The following SPTBN1 variants were observed in gnomAD, a reference collection of about 807,000 sequenced individuals.
The protein encoded by SPTBN1 is spectrin beta, non-erythrocytic 1.
In SPTBN1, 32 loss-of-function variants were observed where a neutral mutation model predicts 266.4. The ratio of observed to expected loss-of-function variants is 0.12; its 90% CI spans 0.09 to 0.16. SPTBN1 has a LOEUF of 0.16. SPTBN1 is among the 10% of genes least tolerant of loss of function. SPTBN1 has a pLI of 1.00. For synonymous variants in SPTBN1, 1,336 were observed against 1,162.2 expected (o/e 1.15, Z -3.04); for missense variants, 2,296 against 3,067.1 (o/e 0.75, Z 5.94).
intron 17 of SPTBN1, among the ~76,000 whole-genome samples, chr2:54,634,481 T>C (rs1482354211): frequency 1.3e-5 from 2 of 152,160 alleles, no homozygotes; most frequent in Non-Finnish European, 2.9e-5. Context: ...GGAGGGAGCT[T>C]TCCGATGACC....
chr2:54,621,422 T>C lies in SPTBN1; in HGVS notation c.786T>C (p.Asp262=). 1 of 1,614,062 alleles carries C rather than the reference T, an allele frequency of 6.2e-7. No homozygotes were observed. Among genetic ancestry groups the C allele is most frequent in the Non-Finnish European group, 8.5e-7 (1 of 1,179,904 alleles). The part of the protein sequence containing the change: ...DPEDISVDHP[D]EKSIITYVVT... ...CAGACATCAGCGTGGACCATCCTGA[T>C]GAGAAGTCCATAATCACTTATGTGG... The change falls in exon 8 of 36, where the codon GAT becomes GAC. Residue 262 remains aspartate (D), a synonymous_variant. Transcript: ENST00000356805.
intron 2 of SPTBN1, among the ~76,000 whole-genome samples, chr2:54,544,997 A>G (rs1022144042): frequency 5.9e-5 from 9 of 151,930 alleles, no homozygotes; most frequent in African/African-American, 1.9e-4. Flanking sequence ...TCATTGTTCA[A>G]CTCCCACCTA....
intron 1 of SPTBN1, among the ~76,000 whole-genome samples, chr2:54,473,006 G>A (rs557842631): frequency 1.3e-5 from 2 of 152,278 alleles, no homozygotes; most frequent in South Asian, 2.1e-4. Context: ...TCCTTTAGAC[G>A]TTTAGATTGA....
chr2:54,659,383 T>C, intron 31 of SPTBN1, 117 bp downstream of exon 31: 2 of 981,112 alleles, frequency 2.0e-6, no homozygotes, highest in South Asian at 1.4e-5. Flanking sequence ...GCCTACTGAT[T>C]GCTTCCATAG....
chr2:54,557,710 C>T, intron 2 of SPTBN1: 2 of 985,302 alleles, frequency 2.0e-6, no homozygotes, highest in South Asian at 4.7e-5. Context: ...TCGGTGCTCC[C>T]ATAAATCTTC....
chr2:54,590,358 A>G (rs1238622484), intron 2 of SPTBN1, among the ~76,000 whole-genome samples: 5 of 152,210 alleles, frequency 3.3e-5, no homozygotes, highest in African/African-American at 7.2e-5. Flanking sequence ...ACCACCACCA[A>G]CAATAAGATT....
intron 1 of SPTBN1, among the ~76,000 whole-genome samples, chr2:54,524,742 C>G (rs1052825169): frequency 2.0e-5 from 3 of 152,246 alleles, no homozygotes; most frequent in Non-Finnish European, 4.4e-5. Context: ...AACCTTGTCT[C>G]CGAGTCTCTC....
intron 32 of SPTBN1, chr2:54,661,399 GAGTTA>G (rs1681034206): frequency 1.0e-6 from 1 of 985,646 alleles, no homozygotes; most frequent in South Asian, 4.7e-5. Context: ...TGTTCTCTAT[GAGTTA>G]AGTCTGATTT....
chr2:54,642,924 G>A (rs927822585), intron 18 of SPTBN1, 59 bp from the exon 19 acceptor site: 2 of 1,575,760 alleles, frequency 1.3e-6, no homozygotes, highest in African/African-American at 1.4e-5. Context: ...CCCTTTCCAG[G>A]CGGAAAAAAG....
chr2:54,632,289 C>T lies in SPTBN1; in HGVS notation c.3565-277C>T, dbSNP rs141509607. Among the ~76,000 whole-genome samples, 486 of 152,146 alleles carry T rather than the reference C, an allele frequency of 3.2e-3. 7 individuals are homozygous for T. The highest frequency in any genetic ancestry group is 0.011 in the African/African-American group (447 of 41,500). Reference sequence around the variant, plus strand: ...TACATTGCTGTTGCCTTGATAGGCACGTGAGAGGACCCTTGAGGCTGATAC... The same window carrying T: ...TACATTGCTGTTGCCTTGATAGGCATGTGAGAGGACCCTTGAGGCTGATAC... On this transcript the variant is annotated intron_variant, in intron 16 of 35. Transcript: ENST00000356805.
chr2:54,668,458 C>T lies in SPTBN1; in HGVS notation c.6984C>T (p.Thr2328=). Reference sequence around the variant, plus strand: ...CGCCAGCATCCAGCCGCGCGCAGACCCTCCCCACCAGCGTCGTCACCATCA... The same window carrying T: ...CGCCAGCATCCAGCCGCGCGCAGACTCTCCCCACCAGCGTCGTCACCATCA... ...QSTPASSRAQ[T]LPTSVVTITS... Residue 2328 remains threonine (T), a synonymous_variant, in exon 36 of 36, where the codon ACC becomes ACT. Coordinates refer to ENST00000356805, the MANE Select transcript of SPTBN1 (RefSeq NM_003128.3). 1.2e-6 allele frequency: 2 copies of T among 1,614,212 alleles called. No homozygotes were observed. The highest frequency in any genetic ancestry group is 1.7e-6 in the Non-Finnish European group (2 of 1,180,042).
intron 1 of SPTBN1, among the ~76,000 whole-genome samples, chr2:54,510,487 T>A (rs1379614388): frequency 6.6e-6 from 1 of 152,172 alleles, no homozygotes; most frequent in African/African-American, 2.4e-5. Flanking sequence ...CTGTGCAGAG[T>A]CATAGAATAC....
intron 2 of SPTBN1, among the ~76,000 whole-genome samples, chr2:54,532,254 A>G (rs1261362398): frequency 1.3e-5 from 2 of 152,114 alleles, no homozygotes; most frequent in African/African-American, 4.8e-5. Flanking sequence ...ACGCCACTGC[A>G]CTCCAGCCCG....
chr2:54,593,506 G>T (rs1437131496), intron 2 of SPTBN1, among the ~76,000 whole-genome samples: 2 of 152,166 alleles, frequency 1.3e-5, no homozygotes, highest in Non-Finnish European at 2.9e-5. Flanking sequence ...TGATGTCCAG[G>T]CTGCCTAGAG....
intron 1 of SPTBN1, among the ~76,000 whole-genome samples, chr2:54,496,627 A>G (rs866283325): frequency 6.6e-6 from 1 of 152,228 alleles, no homozygotes; most frequent in South Asian, 2.1e-4. Flanking sequence ...ACAGAATGTT[A>G]GTAACTTACC....
intron 2 of SPTBN1, among the ~76,000 whole-genome samples, chr2:54,539,791 G>A (rs1268621635): frequency 1.3e-5 from 2 of 152,120 alleles, no homozygotes; most frequent in African/African-American, 4.8e-5. Context: ...ATCAGCCCAC[G>A]TTGGCTTCCC....
chr2:54,528,474 C>A lies in SPTBN1; in HGVS notation c.148+1908C>A, dbSNP rs898716142. 2.6e-5 allele frequency: 4 copies of A among 152,488 alleles called. No individual in the cohort carries two copies. The South Asian group carries it at 6.2e-4, about 24-fold the overall frequency. 9.4% of individuals were successfully genotyped at this position (152,488 alleles called of 1,614,324 possible). ...TGTAGTCATAATAATAGCAAGCACT[C>A]AATATAGTACTTATACTGTGTGCCA... On this transcript the variant is annotated intron_variant, in intron 2 of 35. Coordinates refer to ENST00000356805, the MANE Select transcript of SPTBN1 (RefSeq NM_003128.3).
intron 2 of SPTBN1, among the ~76,000 whole-genome samples, chr2:54,561,762 GT>G (rs1406120553): frequency 6.8e-6 from 1 of 147,808 alleles, no homozygotes; most frequent in Non-Finnish European, 1.5e-5. Flanking sequence ...TATAAATATA[GT>G]TATATATAGT....
At chr2:54,507,657 G>C (rs1669643070) in intron 1 of SPTBN1, among the ~76,000 whole-genome samples, 1 of 152,158 alleles carries the variant, frequency 6.6e-6, no homozygotes, top group African/African-American at 2.4e-5. Context: ...CATCTAATTA[G>C]AGTGTCCAAG....
Sources: gnomAD v4.1 joint callset for allele counts (sites outside exome capture counted in the v4.1 genomes callset) on GRCh38, gnomAD v4.1.1 for gene constraint, MANE v1.5 for transcripts, NCBI Gene and HGNC (gene_info 2026-07-23, HGNC 2026-07-21) for gene names.